CNTN3: variants seen among roughly 807,000 people sequenced by gnomAD.
CNTN3 encodes contactin-3.
Under a neutral mutation model 119.1 loss-of-function variants are expected in CNTN3, and 60 were observed. That is an observed-to-expected ratio of 0.50 (90% CI 0.41 to 0.62). The LOEUF (loss-of-function observed/expected upper bound fraction) is 0.62, where lower values mean the gene tolerates loss of function less well. CNTN3 is among the 20% of genes least tolerant of loss of function. The probability of loss-of-function intolerance (pLI) is 0.00; values close to 1 mark genes in which losing one functional copy is unlikely to be tolerated. For synonymous variants in CNTN3, 450 were observed against 438.7 expected, an observed-to-expected ratio of 1.03 and a Z score of -0.32; for missense variants, 1,101 against 1,242.4, an observed-to-expected ratio of 0.89 and a Z score of 1.71.
chr3:74,545,279 G>C (rs1004379321), intron 1 of CNTN3, among the ~76,000 whole-genome samples: 1 of 152,052 alleles, frequency 6.6e-6, no homozygotes, highest in Non-Finnish European at 1.5e-5. Context: ...CCAATCTCTG[G>C]TGGGATGCCA....
chr3:74,332,704 G>C (rs776312789), intron 13 of CNTN3, among the ~76,000 whole-genome samples: 1 of 152,170 alleles, frequency 6.6e-6, no homozygotes, highest in Non-Finnish European at 1.5e-5. Context: ...TAAGACAGAG[G>C]AACCGTATTG....
At chr3:74,501,577 G>A (rs528933829) in intron 2 of CNTN3, among the ~76,000 whole-genome samples, 3 of 152,192 alleles carry the variant, frequency 2.0e-5, no homozygotes, top group African/African-American at 4.8e-5. Flanking sequence ...TATCAAAAAT[G>A]AGGATAGTTT....
intron 4 of CNTN3, among the ~76,000 whole-genome samples, chr3:74,432,626 C>A (rs920800637): frequency 6.6e-6 from 1 of 152,198 alleles, no homozygotes. Flanking sequence ...ATGACCACAC[C>A]TTTCTTCCTG....
chr3:74,323,162 A>T (rs181644304), intron 13 of CNTN3, among the ~76,000 whole-genome samples: 1 of 152,322 alleles, frequency 6.6e-6, no homozygotes, highest in African/African-American at 2.4e-5. Context: ...TGATGTGTCA[A>T]TGTAGGTTCA....
intron 1 of CNTN3, among the ~76,000 whole-genome samples, chr3:74,579,697 G>T (rs888128417): frequency 6.6e-6 from 1 of 151,900 alleles, no homozygotes; most frequent in Non-Finnish European, 1.5e-5. Context: ...AGATAAAATA[G>T]AAAATATTTT....
At chr3:74,416,714 G>A (rs957293136) in intron 5 of CNTN3, among the ~76,000 whole-genome samples, 2 of 152,104 alleles carry the variant, frequency 1.3e-5, no homozygotes, top group South Asian at 2.1e-4. Context: ...CCAGCTGGGC[G>A]CAGTGGCTCA....
At chr3:74,494,317 G>C (rs1197171618) in intron 3 of CNTN3, among the ~76,000 whole-genome samples, 1 of 152,042 alleles carries the variant, frequency 6.6e-6, no homozygotes, top group African/African-American at 2.4e-5. Context: ...AACAAAAAAA[G>C]GATATGATTT....
rs561714698 is a variant in CNTN3, at chr3:74,446,121, G to A, written c.359-21181C>T. 2.6e-5 allele frequency among the ~76,000 whole-genome samples: 4 copies of A among 152,254 alleles called. No individual in the cohort carries two copies. In the East Asian group the frequency reaches 5.8e-4, roughly 22 times the overall value. On this transcript the variant is annotated intron_variant, in intron 4 of 22. Coordinates refer to ENST00000263665, the MANE Select transcript of CNTN3 (RefSeq NM_020872.3). ...TCAGAAGAACTGGCCTTGAGTCCAT[G>A]ATCTGATGCTTAATAGTTGTGTAAC...
chr3:74,460,374 A>T (rs533517597), intron 4 of CNTN3, among the ~76,000 whole-genome samples: 1 of 151,970 alleles, frequency 6.6e-6, no homozygotes, highest in African/African-American at 2.4e-5. Flanking sequence ...TTTGAGGAGA[A>T]TTAACATATT....
intron 13 of CNTN3, among the ~76,000 whole-genome samples, chr3:74,311,297 A>T (rs1392882627): frequency 1.3e-5 from 2 of 152,208 alleles, no homozygotes; most frequent in Admixed American, 1.3e-4. Context: ...TCTCAAAGTC[A>T]TATTGAAAAA....
At chr3:74,489,178 C>T (rs915691515) in intron 3 of CNTN3, among the ~76,000 whole-genome samples, 6 of 152,222 alleles carry the variant, frequency 3.9e-5, no homozygotes, top group East Asian at 1.9e-4. Flanking sequence ...CTGTTGGAGA[C>T]GCAGAATCTA....
chr3:74,575,270 G>T (rs1006280452), intron 1 of CNTN3, among the ~76,000 whole-genome samples: 7 of 151,604 alleles, frequency 4.6e-5, no homozygotes, highest in South Asian at 2.1e-4. Context: ...TATTTTTTTT[G>T]AGATGAAATC....
At chr3:74,565,884 G>A (rs530955418) in intron 1 of CNTN3, among the ~76,000 whole-genome samples, 1 of 152,238 alleles carries the variant, frequency 6.6e-6, no homozygotes, top group East Asian at 1.9e-4. Flanking sequence ...TCATGGGAGG[G>A]ACTGGTAGGA....
At chr3:74,419,686 A>G (rs1184172075) in intron 5 of CNTN3, among the ~76,000 whole-genome samples, 1 of 152,222 alleles carries the variant, frequency 6.6e-6, no homozygotes, top group African/African-American at 2.4e-5. Flanking sequence ...CTTGCTGATT[A>G]AACACTGGGA....
chr3:74,299,633 G>C (rs1171512241), intron 17 of CNTN3, among the ~76,000 whole-genome samples: 1 of 152,126 alleles, frequency 6.6e-6, no homozygotes, highest in African/African-American at 2.4e-5. Flanking sequence ...ATAGTGGATG[G>C]CTCAGAGAAA....
Position 74,609,430 on chromosome 3 carries a change from G to A in CNTN3, c.-81+4961C>T, listed in dbSNP as rs537099236. Among the ~76,000 whole-genome samples the A allele has an allele frequency of 2.0e-4, 31 of 152,218 alleles. No homozygotes were observed. The South Asian group carries it at 4.8e-3, about 23-fold the overall frequency. ...AATGAATGTTCTTGTATTTTTAATC[G>A]GTGGACTGGCTACAATGGCAAAGGG... On this transcript the variant is annotated intron_variant, in intron 1 of 22. Transcript: ENST00000263665.
intron 5 of CNTN3, among the ~76,000 whole-genome samples, chr3:74,403,526 A>G (rs1705250652): frequency 6.6e-6 from 1 of 152,176 alleles, no homozygotes; most frequent in Non-Finnish European, 1.5e-5. Flanking sequence ...GTGATAGGAA[A>G]GCAGAAACAG....
At chr3:74,536,179 C>G (rs6419788) in intron 1 of CNTN3, among the ~76,000 whole-genome samples, 4 of 152,008 alleles carry the variant, frequency 2.6e-5, no homozygotes, top group Non-Finnish European at 5.9e-5. Context: ...ATGAGCTCCC[C>G]TGTAAGAACC....
intron 4 of CNTN3, among the ~76,000 whole-genome samples, chr3:74,464,150 T>C (rs1181534508): frequency 6.6e-6 from 1 of 152,150 alleles, no homozygotes; most frequent in East Asian, 1.9e-4. Context: ...CTGTGTTACC[T>C]CATAGAGTTG....
Sources: allele counts gnomAD v4.1 joint callset (sites outside exome capture counted in the v4.1 genomes callset), GRCh38; gene constraint gnomAD v4.1.1; transcripts MANE v1.5; gene names NCBI Gene and HGNC (gene_info 2026-07-23, HGNC 2026-07-21).